Variants in SPMIP2 observed in about 807,000 individuals in gnomAD.
SPMIP2 encodes the protein sperm microtubule inner protein 2, also known as protein SPMIP2.
chr4:158,976,672 T>TTTTTC, the SPMIP2 span, among the ~76,000 whole-genome samples: 3 of 140,630 alleles, frequency 2.1e-5, no homozygotes, highest in Non-Finnish European at 4.6e-5. Flanking sequence ...TTTTTTTTTT[T>TTTTTC]TTTTTTTTTT....
the SPMIP2 span, among the ~76,000 whole-genome samples, chr4:158,962,073 T>C: frequency 6.6e-6 from 1 of 152,172 alleles, no homozygotes; most frequent in Admixed American, 6.5e-5. Flanking sequence ...AGATCAATCT[T>C]CAAATAAGTC....
the SPMIP2 span, among the ~76,000 whole-genome samples, chr4:158,926,022 C>T: frequency 6.6e-6 from 1 of 152,030 alleles, no homozygotes; most frequent in Non-Finnish European, 1.5e-5. Context: ...TTCCAAAGGC[C>T]CCACCTTCTA....
chr4:158,902,404 T>C, the SPMIP2 span, among the ~76,000 whole-genome samples: 1 of 152,176 alleles, frequency 6.6e-6, no homozygotes, highest in Non-Finnish European at 1.5e-5. Context: ...AGAGCTCTCC[T>C]GTATGAGGTT....
At chr4:159,008,054 T>C in the SPMIP2 span, among the ~76,000 whole-genome samples, 3 of 151,312 alleles carry the variant, frequency 2.0e-5, no homozygotes, top group Non-Finnish European at 4.4e-5. Flanking sequence ...CTGGGCAACA[T>C]ACTGAGAACT....
the SPMIP2 span, chr4:159,026,550 G>A: frequency 3.9e-6 from 2 of 513,734 alleles, no homozygotes; most frequent in Non-Finnish European, 7.3e-6. Context: ...ACTTTGGACA[G>A]GAAATAGCTA....
At chr4:158,941,619 A>T in the SPMIP2 span, among the ~76,000 whole-genome samples, 1 of 152,328 alleles carries the variant, frequency 6.6e-6, no homozygotes, top group Non-Finnish European at 1.5e-5. Flanking sequence ...TGATCACATC[A>T]CTGTACTCTA....
chr4:158,962,621 G>A, the SPMIP2 span, among the ~76,000 whole-genome samples: 1 of 152,062 alleles, frequency 6.6e-6, no homozygotes, highest in Non-Finnish European at 1.5e-5. Context: ...AACCCCTTAG[G>A]TGTCTTTCTT....
the SPMIP2 span, among the ~76,000 whole-genome samples, chr4:159,068,813 G>A: frequency 6.6e-6 from 1 of 152,174 alleles, no homozygotes; most frequent in Non-Finnish European, 1.5e-5. Flanking sequence ...GGATGGAGAA[G>A]AAACCAAAAA....
At chr4:159,045,588 C>T in the SPMIP2 span, among the ~76,000 whole-genome samples, 1 of 152,128 alleles carries the variant, frequency 6.6e-6, no homozygotes, top group African/African-American at 2.4e-5. Context: ...GTGGGAATAG[C>T]TATGAGAGAG....
chr4:158,975,242 T>C, the SPMIP2 span, among the ~76,000 whole-genome samples: 2,758 of 146,674 alleles, frequency 0.019, 82 homozygotes, highest in African/African-American at 0.066. Flanking sequence ...TCCCGTTCTG[T>C]AGGTTGCCTG....
the SPMIP2 span, among the ~76,000 whole-genome samples, chr4:158,982,446 A>G: frequency 6.6e-6 from 1 of 152,146 alleles, no homozygotes; most frequent in African/African-American, 2.4e-5. Flanking sequence ...ACATAGCACT[A>G]TTTCTAAAAT....
chr4:159,007,842 G>T, the SPMIP2 span: 1 of 550,046 alleles, frequency 1.8e-6, no homozygotes. Context: ...CTGAATCCAG[G>T]ACTAGAAGGA....
chr4:158,943,563 T>A, the SPMIP2 span, among the ~76,000 whole-genome samples: 1 of 152,142 alleles, frequency 6.6e-6, no homozygotes, highest in African/African-American at 2.4e-5. Flanking sequence ...TTATATATCT[T>A]TTACCACCAT....
At chr4:159,023,286 A>C in the SPMIP2 span, among the ~76,000 whole-genome samples, 5 of 152,230 alleles carry the variant, frequency 3.3e-5, no homozygotes, top group African/African-American at 1.2e-4. Flanking sequence ...AGAGCCAAAA[A>C]GTGGAAAAAT....
chr4:159,016,249 AT>A, the SPMIP2 span, among the ~76,000 whole-genome samples: 9 of 152,348 alleles, frequency 5.9e-5, no homozygotes, highest in African/African-American at 2.2e-4. Context: ...TAATCAGACC[AT>A]TATGACATCC....
the SPMIP2 span, among the ~76,000 whole-genome samples, chr4:159,009,432 G>A: frequency 1.3e-5 from 2 of 152,200 alleles, no homozygotes; most frequent in Admixed American, 1.3e-4. Context: ...TGCTCTTGCT[G>A]TTGTTTCTGA....
chr4:158,966,517 C>G, the SPMIP2 span, among the ~76,000 whole-genome samples: 1 of 152,212 alleles, frequency 6.6e-6, no homozygotes, highest in Non-Finnish European at 1.5e-5. Flanking sequence ...TCATACTACA[C>G]TTTTACTAGC....
chr4:158,934,194 C>T, the SPMIP2 span, among the ~76,000 whole-genome samples: 20 of 152,246 alleles, frequency 1.3e-4, no homozygotes, highest in African/African-American at 4.8e-4. Context: ...GGTGTGGTGG[C>T]TCACACCCGT....
At chr4:158,934,322 C>T in the SPMIP2 span, among the ~76,000 whole-genome samples, 1 of 151,960 alleles carries the variant, frequency 6.6e-6, no homozygotes, top group Non-Finnish European at 1.5e-5. Context: ...GTTAGCTGGG[C>T]GTGGTGGTGG....
Sources: allele counts gnomAD v4.1 joint callset (sites outside exome capture counted in the v4.1 genomes callset), GRCh38; gene constraint gnomAD v4.1.1; transcripts MANE v1.5; gene names NCBI Gene and HGNC (gene_info 2026-07-23, HGNC 2026-07-21).